ATP2B2: variants seen among roughly 807,000 people sequenced by gnomAD.
ATP2B2 encodes the protein plasma membrane calcium-transporting ATPase 2.
A neutral mutation model predicts 120.0 loss-of-function variants in ATP2B2; 15 were observed. The observed-to-expected ratio is 0.12, with a 90% confidence interval of 0.08 to 0.19. The LOEUF is 0.19. ATP2B2 is among the 10% of genes least tolerant of loss of function. The pLI is 1.00. For synonymous variants in ATP2B2, 694 were observed against 700.3 expected (o/e 0.99, Z 0.14); for missense variants, 1,045 against 1,719.8 (o/e 0.61, Z 6.94).
intron 3 of ATP2B2, among the ~76,000 whole-genome samples, chr3:10,512,020 G>A (rs973135976): frequency 2.0e-5 from 3 of 152,158 alleles, no homozygotes; most frequent in Non-Finnish European, 4.4e-5. Context: ...AGCACCTACT[G>A]TGTGCCAGGC....
rs1432967808 is a variant in ATP2B2, at chr3:10,342,035, T to C, written c.2917+717A>G. Among the ~76,000 whole-genome samples, 1 of 152,210 alleles carries C rather than the reference T, an allele frequency of 6.6e-6. No individual in the cohort carries two copies. Among genetic ancestry groups the C allele is most frequent in the African/African-American group, 2.4e-5 (1 of 41,460 alleles). ...CCATGTGGGACTGCGGGCCAGACCC[T>C]TCCCCTCTCTGGGCCTCTGTTTCCC... is the stretch of plus-strand genomic sequence containing the variant. On this transcript the variant is annotated intron_variant, in intron 19 of 22. Coordinates refer to ENST00000360273, the MANE Select transcript of ATP2B2 (RefSeq NM_001001331.4). The surrounding 1 kb of genome is among the most constrained non-coding windows in gnomAD (Gnocchi z 4.4).
intron 3 of ATP2B2, among the ~76,000 whole-genome samples, chr3:10,521,594 G>T (rs769981120): frequency 2.6e-5 from 4 of 152,352 alleles, no homozygotes; most frequent in African/African-American, 9.6e-5. Flanking sequence ...AGCAGCGAGA[G>T]TGTGGAAACT....
chr3:10,385,292 T>C lies in ATP2B2; in HGVS notation c.976A>G (p.Ser326Gly). Residue 326 changes from serine (S) to glycine (G), a missense_variant, in exon 8 of 23, where the codon AGT becomes GGT. Ser to Gly is a moderately conservative substitution (Grantham distance 56, BLOSUM62 0). Coordinates refer to ENST00000360273, the MANE Select transcript of ATP2B2 (RefSeq NM_001001331.4). Reference sequence around the variant, plus strand: ...CCATTGACTAGGCTGGCATTCGCACTATCTGCAGCATTTGAAGCTGCCGCA... The same window carrying C: ...CCATTGACTAGGCTGGCATTCGCACCATCTGCAGCATTTGAAGCTGCCGCA... ...DGAAASNAAD[S>G]ANASLVNGKM... The C allele has an allele frequency of 6.2e-7, 1 of 1,613,870 alleles. No homozygotes were observed. Among genetic ancestry groups the C allele is most frequent in the Non-Finnish European group, 8.5e-7 (1 of 1,179,994 alleles).
intron 3 of ATP2B2, among the ~76,000 whole-genome samples, chr3:10,514,888 T>C (rs968660060): frequency 2.0e-5 from 3 of 151,984 alleles, no homozygotes; most frequent in African/African-American, 7.3e-5. Context: ...CCCCAGGGGG[T>C]TGGAAGAGCA....
At chr3:10,379,055 C>T (rs964946228) in intron 9 of ATP2B2, among the ~76,000 whole-genome samples, 188 bp downstream of exon 9, 11 of 152,172 alleles carry the variant, frequency 7.2e-5, no homozygotes, top group Non-Finnish European at 1.2e-4. Context: ...CCCTCCTCAC[C>T]GGTGGACACC....
At chr3:10,618,001 T>G (rs2069441697) in intron 2 of ATP2B2, among the ~76,000 whole-genome samples, 1 of 152,226 alleles carries the variant, frequency 6.6e-6, no homozygotes, top group Non-Finnish European at 1.5e-5. Context: ...CTAATGAGAC[T>G]GTGTCTAAGA....
intron 7 of ATP2B2, 123 bp from the exon 8 acceptor site, chr3:10,385,450 T>C (rs2061649369): frequency 2.4e-6 from 2 of 828,810 alleles, no homozygotes; most frequent in South Asian, 1.5e-5. Context: ...AAAATTATCC[T>C]TTGGAAACCA....
chr3:10,614,278 C>T (rs2069321583), intron 2 of ATP2B2, among the ~76,000 whole-genome samples: 2 of 151,966 alleles, frequency 1.3e-5, no homozygotes, highest in South Asian at 2.1e-4. Flanking sequence ...GAATAAATTA[C>T]GTGCCACCAA....
rs541082828 is a variant in ATP2B2 at position 10,502,262 on chromosome 3, A to G, written c.-320+3203T>C. Among the ~76,000 whole-genome samples the G allele has an allele frequency of 3.9e-5, 6 of 152,306 alleles. No homozygotes were observed. The East Asian group carries it at 7.7e-4, about 20-fold the overall frequency. Reference sequence around the variant, plus strand: ...TGATGCCAATCACACCTTCGTGCACAGCCCTCTACAGTGTCCAGGGCTCTC... The same window carrying G: ...TGATGCCAATCACACCTTCGTGCACGGCCCTCTACAGTGTCCAGGGCTCTC... On this transcript the variant is annotated intron_variant, in intron 1 of 22. Transcript: ENST00000360273.
chr3:10,479,306 C>T (rs1310521037), intron 1 of ATP2B2, among the ~76,000 whole-genome samples: 1 of 151,590 alleles, frequency 6.6e-6, no homozygotes, highest in East Asian at 2.0e-4. Flanking sequence ...CCCAAGAACC[C>T]CATTCTCTCA....
intron 3 of ATP2B2, among the ~76,000 whole-genome samples, chr3:10,518,017 G>A (rs911871512): frequency 6.7e-6 from 1 of 148,912 alleles, no homozygotes; most frequent in Non-Finnish European, 1.5e-5. Flanking sequence ...CCAGGTAGCA[G>A]GCACAGCAAG....
At chr3:10,469,380 C>G (rs2064887489) in intron 1 of ATP2B2, among the ~76,000 whole-genome samples, 1 of 152,228 alleles carries the variant, frequency 6.6e-6, no homozygotes, top group Non-Finnish European at 1.5e-5. Context: ...ACTCAGAACA[C>G]AGCGGAGCTG....
chr3:10,580,906 C>T (rs1349828665), intron 2 of ATP2B2, among the ~76,000 whole-genome samples: 1 of 152,200 alleles, frequency 6.6e-6, no homozygotes, highest in Non-Finnish European at 1.5e-5. Flanking sequence ...AAAGTTGAAT[C>T]ATTGCGACAG....
chr3:10,352,905 C>T (rs1170159270), intron 14 of ATP2B2, among the ~76,000 whole-genome samples: 8 of 152,262 alleles, frequency 5.3e-5, no homozygotes, highest in East Asian at 1.9e-4. Flanking sequence ...GTTTCAAAGA[C>T]GCTGGAGGAC....
intron 2 of ATP2B2, among the ~76,000 whole-genome samples, chr3:10,618,904 C>T (rs1212735428): frequency 6.6e-6 from 1 of 152,170 alleles, no homozygotes; most frequent in East Asian, 1.9e-4. Context: ...GGTTTCTTCC[C>T]CATCCTCTTC....
chr3:10,447,703 A>G (rs2125171188), intron 2 of ATP2B2, among the ~76,000 whole-genome samples: 1 of 152,304 alleles, frequency 6.6e-6, no homozygotes, highest in Non-Finnish European at 1.5e-5. Flanking sequence ...TCTGCCAGGG[A>G]TAAGTGAGCA....
chr3:10,616,856 T>C (rs185173294), intron 2 of ATP2B2, among the ~76,000 whole-genome samples: 198 of 152,346 alleles, frequency 1.3e-3, no homozygotes, highest in African/African-American at 4.5e-3. Context: ...TATCTGTTTC[T>C]TCTATCTTCT....
intron 1 of ATP2B2, among the ~76,000 whole-genome samples, chr3:10,702,536 TAG>T (rs1444006769): frequency 6.6e-6 from 1 of 152,126 alleles, no homozygotes; most frequent in Non-Finnish European, 1.5e-5. Context: ...CAGAATGGTA[TAG>T]AGAGGATGGA....
At chr3:10,497,756 C>T (rs557172547) in intron 1 of ATP2B2, among the ~76,000 whole-genome samples, 2 of 152,288 alleles carry the variant, frequency 1.3e-5, no homozygotes, top group South Asian at 4.2e-4. Flanking sequence ...TTTGCACGGC[C>T]ATTTATTAAG....
Sources: allele counts gnomAD v4.1 joint callset (sites outside exome capture counted in the v4.1 genomes callset), GRCh38; gene constraint gnomAD v4.1.1; non-coding constraint Gnocchi (gnomAD v3.1); transcripts MANE v1.5; gene names NCBI Gene and HGNC (gene_info 2026-07-23, HGNC 2026-07-21).